The following ANGPTL7 variants were observed in gnomAD, a reference collection of about 807,000 sequenced individuals.
The protein encoded by ANGPTL7 is angiopoietin-related protein 7.
In ANGPTL7, 37 loss-of-function variants were observed where a neutral mutation model predicts 38.8. That is an observed-to-expected ratio of 0.95 (90% CI 0.73 to 1.25). ANGPTL7 has a LOEUF of 1.25. Ranked by LOEUF, ANGPTL7 falls within the 50% of genes most tolerant of loss-of-function variation. ANGPTL7 has a pLI of 0.00. For missense variants in ANGPTL7, 427 were observed against 438.6 expected (o/e 0.97, Z 0.24); for synonymous variants, 166 against 163.2 (o/e 1.02, Z -0.13).
chr1:11,189,831 G>A lies in ANGPTL7; in HGVS notation c.252G>A (p.Leu84=). The change falls in exon 1 of 5, where the codon CTG becomes CTA. Residue 84 remains leucine, a synonymous_variant. Coordinates refer to ENST00000376819, the MANE Select transcript of ANGPTL7 (RefSeq NM_021146.4). The part of the protein sequence containing the change: ...WVSVVMQVME[L]ESNSKRMESR... ...GCGTGGTCATGCAGGTGATGGAGCT[G>A]GAGAGCAACAGCAAGCGCATGGAGT... The A allele has an allele frequency of 6.2e-7, 1 of 1,614,210 alleles. No individual in the cohort carries two copies. The highest frequency in any genetic ancestry group is 8.5e-7 in the Non-Finnish European group (1 of 1,180,036).
At chr1:11,194,392 G>T in intron 3 of ANGPTL7, 69 bp from the exon 4 acceptor site, 1 of 1,451,442 alleles carries the variant, frequency 6.9e-7, no homozygotes. Context: ...TGTCAGGAGA[G>T]AAGGGGTATA....
Position 11,194,665 on chromosome 1 carries a change from A to G in ANGPTL7, c.871+6A>G, listed in dbSNP as rs199596424. 1,266 of 1,614,030 alleles carry G rather than the reference A, an allele frequency of 7.8e-4. No homozygotes were observed. The highest frequency in any genetic ancestry group is 9.4e-4 in the Non-Finnish European group (1,107 of 1,180,022). On this transcript the variant is annotated splice_donor_region_variant and intron_variant, in intron 4 of 4. Coordinates refer to ENST00000376819, the MANE Select transcript of ANGPTL7 (RefSeq NM_021146.4). The stretch of plus-strand genomic sequence containing the variant: ...GTGTGCACAGCTCCGCAAAGGTGAG[A>G]TTTGGGGGGACCGGAAAGGAGAAGT...
Position 11,193,762 on chromosome 1 carries a change from T to A in ANGPTL7, c.660T>A (p.Arg220=), listed in dbSNP as rs746156288. 1.9e-6 allele frequency: 3 copies of A among 1,613,994 alleles called. No homozygotes were observed. Among genetic ancestry groups the A allele is most frequent in the Non-Finnish European group, 2.5e-6 (3 of 1,179,982 alleles). The change falls in exon 3 of 5, where the codon CGT becomes CGA. Residue 220 remains arginine, a synonymous_variant. Transcript: ENST00000376819. ...HRLSRQPTRL[R]VEMEDWEGNL... ...TCTCCAGACAGCCAACCCGGCTGCG[T>A]GTAGAGATGGAGGTAAGCACAAGGC...
intron 1 of ANGPTL7, among the ~76,000 whole-genome samples, chr1:11,190,469 G>A (rs1233051759): frequency 6.6e-6 from 1 of 152,176 alleles, no homozygotes; most frequent in Non-Finnish European, 1.5e-5. Flanking sequence ...AGAGTTAAGT[G>A]TAGAGACACA....
At position 11,194,511 on chromosome 1, in the gene ANGPTL7, C is replaced by G; in HGVS notation, c.723C>G (p.Gly241=). Residue 241 remains glycine, a synonymous_variant, in exon 4 of 5, where the codon GGC becomes GGG. Transcript: ENST00000376819. The stretch of plus-strand genomic sequence containing the variant: ...CTGAGTATAGCCACTTTGTTTTGGG[C>G]AATGAACTCAACAGCTATCGCCTCT... ...RYAEYSHFVL[G]NELNSYRLFL... The G allele has an allele frequency of 3.1e-6, 5 of 1,614,162 alleles. No homozygotes were observed. The highest frequency in any genetic ancestry group is 4.2e-6 in the Non-Finnish European group (5 of 1,180,022).
Position 11,195,713 on chromosome 1 carries a change from T to C in ANGPTL7, c.*690T>C, listed in dbSNP as rs1041152243. ...GCACCAGCAGGAGGTGGACAGAGTC[T>C]CTCATGGATGCCGGCACAAAACTGC... is the stretch of plus-strand genomic sequence containing the variant. On this transcript the variant is annotated 3_prime_UTR_variant, in exon 5 of 5. Coordinates refer to ENST00000376819, the MANE Select transcript of ANGPTL7 (RefSeq NM_021146.4). 1 of 152,730 alleles carries C rather than the reference T, an allele frequency of 6.5e-6. No individual in the cohort carries two copies. Among genetic ancestry groups the C allele is most frequent in the African/African-American group, 2.4e-5 (1 of 41,566 alleles). 9.5% of individuals were successfully genotyped at this position (152,730 alleles called of 1,614,324 possible).
chr1:11,194,438 T>C, intron 3 of ANGPTL7, 23 bp from the exon 4 acceptor site: 1 of 1,612,526 alleles, frequency 6.2e-7, no homozygotes, highest in Non-Finnish European at 8.5e-7. Flanking sequence ...GCACTTTCTT[T>C]AAGGCTCTGC....
intron 3 of ANGPTL7, 117 bp downstream of exon 3, chr1:11,193,891 T>A: frequency 9.1e-7 from 1 of 1,098,604 alleles, no homozygotes; most frequent in Non-Finnish European, 1.3e-6. Context: ...TTCATTGTGA[T>A]GGTTTTCCTG....
chr1:11,194,941 T>A lies in ANGPTL7; in HGVS notation c.959T>A (p.Ile320Asn), dbSNP rs1645724494. The change falls in exon 5 of 5, where the codon ATC becomes AAC. Residue 320 changes from isoleucine (I) to asparagine (N), a missense_variant. By Grantham distance (149) the Ile-to-Asn change is moderately radical (BLOSUM62 -3). Transcript: ENST00000376819. ...LGEHNKHLDGITWYGWHGSTY... is the reference protein window; with the variant it reads ...LGEHNKHLDGNTWYGWHGSTY... Reference sequence around the variant, plus strand: ...GAGCACAATAAGCACCTGGATGGCATCACCTGGTATGGCTGGCATGGATCT... The same window carrying A: ...GAGCACAATAAGCACCTGGATGGCAACACCTGGTATGGCTGGCATGGATCT... 6.2e-7 allele frequency: 1 copy of A among 1,614,078 alleles called. No homozygotes were observed. The highest frequency in any genetic ancestry group is 8.5e-7 in the Non-Finnish European group (1 of 1,180,000).
rs983799995 is a variant in ANGPTL7, at chr1:11,189,499, C to G, written c.-81C>G. The G allele has an allele frequency of 6.8e-7, 1 of 1,479,512 alleles. No homozygotes were observed. The highest frequency in any genetic ancestry group is 2.2e-5 in the Admixed American group (1 of 44,538). The allele number at this position is 1,479,512 out of a possible 1,614,324, so 91.6% of individuals were successfully genotyped here. On this transcript the variant is annotated 5_prime_UTR_variant, in exon 1 of 5. Transcript: ENST00000376819. ...AGTGAAAGCGTAAGGTTCAGTCAGC[C>G]TGCTGCAGCTTTGCAGACCTCAGCT...
At chr1:11,193,016 A>G (rs940234519) in intron 2 of ANGPTL7, among the ~76,000 whole-genome samples, 6 of 152,004 alleles carry the variant, frequency 3.9e-5, no homozygotes, top group African/African-American at 1.4e-4. Flanking sequence ...GCAGCATCAA[A>G]TTATCTGGAT....
Position 11,189,711 on chromosome 1 carries a change from C to A in ANGPTL7, c.132C>A (p.Asn44Lys). The A allele has an allele frequency of 6.2e-7, 1 of 1,614,206 alleles. No homozygotes were observed. The highest frequency in any genetic ancestry group is 1.1e-5 in the South Asian group (1 of 91,086). The change falls in exon 1 of 5, where the codon AAC becomes AAA. Residue 44 changes from asparagine (N) to lysine (K), a missense_variant. Transcript: ENST00000376819. ...CACAGCCACAGCTCAAAGCGGCCAA[C>A]TGCTGTGAGGAGGTGAAGGAGCTCA... Reference protein sequence around the residue: ...TPAQPQLKAANCCEEVKELKA... With the variant: ...TPAQPQLKAAKCCEEVKELKA...
rs1645631423 is a variant in ANGPTL7 at position 11,193,463 on chromosome 1, G to A, written c.478-117G>A. 2.5e-5 allele frequency: 22 copies of A among 870,226 alleles called. No individual in the cohort carries two copies. In the East Asian group the frequency reaches 5.7e-4, roughly 22 times the overall value. 53.9% of individuals were successfully genotyped at this position (870,226 alleles called of 1,614,324 possible). ...ACTGCCCGAGTGAGCCAGTGTGACTGCGGGAGTGCACACATCTACTGGCTC... is the reference window on the plus strand; with the variant it reads ...ACTGCCCGAGTGAGCCAGTGTGACTACGGGAGTGCACACATCTACTGGCTC... On this transcript the variant is annotated intron_variant, in intron 2 of 4. Transcript: ENST00000376819.
At chr1:11,192,027 T>A (rs951123600) in intron 1 of ANGPTL7, among the ~76,000 whole-genome samples, 1 of 152,196 alleles carries the variant, frequency 6.6e-6, no homozygotes, top group South Asian at 2.1e-4. Context: ...AAACCACCTG[T>A]TGGAACGTCC....
intron 2 of ANGPTL7, 35 bp from the exon 3 acceptor site, chr1:11,193,545 G>T (rs759614247): frequency 3.9e-6 from 6 of 1,543,652 alleles, no homozygotes; most frequent in Non-Finnish European, 5.2e-6. Context: ...TTCTGCCCCT[G>T]CAAGTCCCTC....
At position 11,189,845 on chromosome 1, in the gene ANGPTL7, A is replaced by T. The variant is rs370442803; in HGVS notation, c.266A>T (p.Lys89Met). ...GTGATGGAGCTGGAGAGCAACAGCA[A>T]GCGCATGGAGTCGCGGCTCACAGAT... Reference protein sequence around the residue: ...MQVMELESNSKRMESRLTDAE... With the variant: ...MQVMELESNSMRMESRLTDAE... Residue 89 changes from lysine to methionine, a missense_variant, in exon 1 of 5, where the codon AAG (lysine) becomes ATG (methionine). Physicochemically the swap from Lys to Met is moderately conservative, Grantham distance 95. Transcript: ENST00000376819. 321 of 1,614,222 alleles carry T rather than the reference A, an allele frequency of 2.0e-4. 2 individuals are homozygous for T. The East Asian group carries it at 3.3e-3, about 17-fold the overall frequency.
chr1:11,194,532 C>T lies in ANGPTL7; in HGVS notation c.744C>T (p.Arg248=), dbSNP rs1441213103. 8.1e-6 allele frequency: 13 copies of T among 1,614,020 alleles called. No individual in the cohort carries two copies. The highest frequency in any genetic ancestry group is 1.1e-5 in the Non-Finnish European group (13 of 1,180,032). Residue 248 remains arginine, a synonymous_variant, in exon 4 of 5, where the codon CGC becomes CGT. Transcript: ENST00000376819. ...FVLGNELNSY[R]LFLGNYTGNV... ...TGGGCAATGAACTCAACAGCTATCG[C>T]CTCTTCCTGGGGAACTACACTGGCA...
Position 11,193,640 on chromosome 1 carries a change from G to A in ANGPTL7, c.538G>A (p.Gly180Ser), listed in dbSNP as rs529229580. Residue 180 changes from glycine to serine, a missense_variant, in exon 3 of 5, where the codon GGC (glycine) becomes AGC (serine). Physicochemically the swap from Gly to Ser is moderately conservative, Grantham distance 56. Transcript: ENST00000376819. ...GWTIIQRRKS[G>S]LVSFYRDWKQ... ...GACCATCATCCAGAGACGAAAAAGT[G>A]GCCTTGTCTCCTTCTACCGGGACTG... 1.1e-5 allele frequency: 18 copies of A among 1,613,552 alleles called. No individual in the cohort carries two copies. In the South Asian group the frequency reaches 2.0e-4, roughly 18 times the overall value.
intron 2 of ANGPTL7, 35 bp from the exon 3 acceptor site, chr1:11,193,545 G>GC: frequency 1.9e-6 from 3 of 1,543,770 alleles, no homozygotes; most frequent in Admixed American, 2.0e-5. Context: ...TTCTGCCCCT[G>GC]CAAGTCCCTC....
Sources: allele counts gnomAD v4.1 joint callset (sites outside exome capture counted in the v4.1 genomes callset), GRCh38; gene constraint gnomAD v4.1.1; transcripts MANE v1.5; gene names NCBI Gene and HGNC (gene_info 2026-07-23, HGNC 2026-07-21).